KY: variants seen among roughly 807,000 people sequenced by gnomAD.
The protein encoded by KY is kyphoscoliosis peptidase.
Under a neutral mutation model 76.1 loss-of-function variants are expected in KY, and 43 were observed. The ratio of observed to expected loss-of-function variants is 0.57; its 90% CI spans 0.44 to 0.73. The LOEUF (loss-of-function observed/expected upper bound fraction) is 0.73, where lower values mean the gene tolerates loss of function less well. Ranked by LOEUF, KY falls within the 30% of genes least tolerant of loss-of-function variation. The pLI, the probability that KY is intolerant of heterozygous loss-of-function variation, is 0.00. For missense variants in KY, 722 were observed against 828.9 expected (o/e 0.87, Z 1.58); for synonymous variants, 277 against 326.2 (o/e 0.85, Z 1.63).
chr3:134,608,173 C>G, intron 10 of KY: 3 of 1,168,560 alleles, frequency 2.6e-6, no homozygotes, highest in Non-Finnish European at 2.1e-6. Context: ...TGTATTCTCT[C>G]CAGCAGGAGT....
Position 134,625,246 on chromosome 3 carries a change from T to C in KY, c.401-111A>G, listed in dbSNP as rs1963276917. 1.1e-5 allele frequency: 9 copies of C among 812,264 alleles called. No homozygotes were observed. In the South Asian group the frequency reaches 1.2e-4, roughly 11 times the overall value. 50.3% of individuals were successfully genotyped at this position (812,264 alleles called of 1,614,324 possible). On this transcript the variant is annotated intron_variant, in intron 5 of 10. Transcript: ENST00000423778. ...TGTGACTGTCCAACCTTTAACACAA[T>C]TCTCAAAGCCTGAAACATTGAGCCT...
chr3:134,611,467 G>A (rs771186987), intron 8 of KY, among the ~76,000 whole-genome samples: 4 of 152,228 alleles, frequency 2.6e-5, no homozygotes, highest in Non-Finnish European at 4.4e-5. Flanking sequence ...CAATTTCACT[G>A]CTAGTCTGAC....
chr3:134,633,951 G>T (rs996132485), intron 3 of KY, among the ~76,000 whole-genome samples: 1 of 152,186 alleles, frequency 6.6e-6, no homozygotes, highest in African/African-American at 2.4e-5. Flanking sequence ...TTGTATTTCT[G>T]TATATTGGCC....
chr3:134,613,138 C>T (rs9838119), intron 8 of KY: 96,816 of 154,100 alleles, frequency 0.63, 30,884 homozygotes, highest in East Asian at 0.87. Context: ...ACTGATTTAG[C>T]GGCGCTGTGG....
chr3:134,605,465 G>A (rs966629143), intron 10 of KY, among the ~76,000 whole-genome samples: 1 of 152,132 alleles, frequency 6.6e-6, no homozygotes, highest in African/African-American at 2.4e-5. Flanking sequence ...TGGGCTCTAG[G>A]ACAAAGGCCT....
At chr3:134,606,206 C>A (rs920749474) in intron 10 of KY, among the ~76,000 whole-genome samples, 5 of 152,122 alleles carry the variant, frequency 3.3e-5, no homozygotes, top group African/African-American at 1.2e-4. Flanking sequence ...AGCCCAGATC[C>A]CCCTGAGATT....
At chr3:134,644,661 C>T (rs968892294) in intron 2 of KY, among the ~76,000 whole-genome samples, 1 of 152,212 alleles carries the variant, frequency 6.6e-6, no homozygotes, top group East Asian at 1.9e-4. Context: ...GGGCATTGGC[C>T]TGAACAGGTG....
intron 10 of KY, among the ~76,000 whole-genome samples, chr3:134,606,112 A>G (rs1328091392): frequency 6.6e-6 from 1 of 152,166 alleles, no homozygotes; most frequent in African/African-American, 2.4e-5. Context: ...CTCAGTGGGC[A>G]GAAGCTACCT....
intron 10 of KY, chr3:134,607,917 T>C: frequency 4.0e-6 from 4 of 991,234 alleles, no homozygotes; most frequent in Non-Finnish European, 4.8e-6. Context: ...GGTGCCTGAG[T>C]TTGGAGGCTG....
Position 134,600,154 on chromosome 3 carries a change from T to G in KY, c.*3425A>C, listed in dbSNP as rs1414543709. On this transcript the variant is annotated 3_prime_UTR_variant, in exon 11 of 11. Coordinates refer to ENST00000423778, the MANE Select transcript of KY (RefSeq NM_178554.6). ...CGAAAATTTTGCCAATAGCAAATGA[T>G]GTAGTGATGCTGTTAACCCTCTGTT... 6.6e-6 allele frequency among the ~76,000 whole-genome samples: 1 copy of G among 152,222 alleles called. No homozygotes were observed. The highest frequency in any genetic ancestry group is 2.4e-5 in the African/African-American group (1 of 41,460).
At chr3:134,640,163 A>G (rs1965557953) in intron 3 of KY, among the ~76,000 whole-genome samples, 1 of 146,118 alleles carries the variant, frequency 6.8e-6, no homozygotes, top group African/African-American at 2.5e-5. Context: ...AAAATGTTGA[A>G]CCATTCCGAG....
intron 6 of KY, among the ~76,000 whole-genome samples, chr3:134,624,029 T>C (rs892368359): frequency 6.6e-6 from 1 of 152,160 alleles, no homozygotes; most frequent in Admixed American, 6.5e-5. Flanking sequence ...CCAGGGGGCA[T>C]TTCCCCTGGA....
chr3:134,636,562 C>G (rs1039350106), intron 3 of KY, among the ~76,000 whole-genome samples: 13 of 152,178 alleles, frequency 8.5e-5, no homozygotes, highest in African/African-American at 3.1e-4. Context: ...GTGAGGCTAT[C>G]CCAGACCAGC....
At chr3:134,648,468 G>T (rs1423347522) in intron 1 of KY, among the ~76,000 whole-genome samples, 3 of 152,150 alleles carry the variant, frequency 2.0e-5, no homozygotes, top group Non-Finnish European at 4.4e-5. Context: ...AAAGCTCATT[G>T]GGTCTTGCCC....
Position 134,641,842 on chromosome 3 carries a change from A to T in KY, c.262+1474T>A, listed in dbSNP as rs1321402142. Among the ~76,000 whole-genome samples the T allele has an allele frequency of 3.3e-5, 5 of 152,146 alleles. 1 individual carries two copies. Among genetic ancestry groups the T allele is most frequent in the Admixed American group, 2.6e-4 (4 of 15,284 alleles). ...GTCTGTGTCTCCTCACTAGGATGTC[A>T]GCTCCACAAGGACAGGGGCCTTTGT... On this transcript the variant is annotated intron_variant, in intron 3 of 10. Transcript: ENST00000423778.
Position 134,649,775 on chromosome 3 carries a change from C to T in KY, c.136+1050G>A, listed in dbSNP as rs1577858578. On this transcript the variant is annotated intron_variant, in intron 1 of 10. Coordinates refer to ENST00000423778, the MANE Select transcript of KY (RefSeq NM_178554.6). ...ATGTGGCTGGTAGTGGCAAGGCCAT[C>T]CACAGCAGCATTACTTAAGCAAGGC... Among the ~76,000 whole-genome samples, 4 of 152,346 alleles carry T rather than the reference C, an allele frequency of 2.6e-5. 1 individual carries two copies. Among genetic ancestry groups the T allele is most frequent in the African/African-American group, 9.6e-5 (4 of 41,586 alleles).
chr3:134,614,777 G>C (rs1033181726), intron 8 of KY, among the ~76,000 whole-genome samples: 9 of 152,182 alleles, frequency 5.9e-5, no homozygotes, highest in Non-Finnish European at 1.2e-4. Flanking sequence ...ACTGTATGAT[G>C]CTCCTACAGT....
chr3:134,618,937 T>G (rs553263897), intron 8 of KY, among the ~76,000 whole-genome samples: 1 of 152,184 alleles, frequency 6.6e-6, no homozygotes, highest in South Asian at 2.1e-4. Flanking sequence ...ACCATTATGT[T>G]AATGCATCGC....
chr3:134,612,293 G>A (rs546626283), intron 8 of KY, among the ~76,000 whole-genome samples: 4 of 152,362 alleles, frequency 2.6e-5, no homozygotes, highest in South Asian at 2.1e-4. Context: ...AGATCCCAGT[G>A]TTGTGATTTT....
Sources: allele counts gnomAD v4.1 joint callset (sites outside exome capture counted in the v4.1 genomes callset), GRCh38; gene constraint gnomAD v4.1.1; transcripts MANE v1.5; gene names NCBI Gene and HGNC (gene_info 2026-07-23, HGNC 2026-07-21).